The following ANKH variants were observed in gnomAD, a reference collection of about 807,000 sequenced individuals.
ANKH encodes mineralization regulator ANKH.
ANKH carries 15 observed loss-of-function variants against 49.0 expected under a neutral mutation model. That is an observed-to-expected ratio of 0.31 (90% CI 0.20 to 0.47). The LOEUF is 0.47. Ranked by LOEUF, ANKH falls within the 20% of genes least tolerant of loss-of-function variation. ANKH has a pLI of 1.00. For missense variants in ANKH, 429 were observed against 652.0 expected (o/e 0.66, Z 3.72); for synonymous variants, 273 against 260.0 (o/e 1.05, Z -0.48).
intron 8 of ANKH, among the ~76,000 whole-genome samples, chr5:14,720,569 C>A (rs1737627522): frequency 6.6e-6 from 1 of 152,180 alleles, no homozygotes; most frequent in Non-Finnish European, 1.5e-5. Flanking sequence ...TTATATTGGG[C>A]CCCCAATATG....
chr5:14,840,595 G>C (rs1004672), intron 1 of ANKH, among the ~76,000 whole-genome samples: 16,128 of 152,216 alleles, frequency 0.11, 1,351 homozygotes, highest in East Asian at 0.44. Flanking sequence ...TTACTTAGCT[G>C]CCTGTTTCAA....
At chr5:14,780,718 C>T (rs1000486055) in intron 1 of ANKH, among the ~76,000 whole-genome samples, 4 of 152,206 alleles carry the variant, frequency 2.6e-5, no homozygotes, top group South Asian at 4.1e-4. Flanking sequence ...ACTTCCTTTA[C>T]TTGCCTCATC....
chr5:14,744,800 G>C (rs573984480), intron 7 of ANKH, among the ~76,000 whole-genome samples: 33 of 152,356 alleles, frequency 2.2e-4, no homozygotes, highest in African/African-American at 7.2e-4. Context: ...CCCACAAACG[G>C]TCTCAGGGGG....
At chr5:14,721,847 G>A (rs1044301167) in intron 8 of ANKH, among the ~76,000 whole-genome samples, 28 of 144,196 alleles carry the variant, frequency 1.9e-4, no homozygotes, top group African/African-American at 3.8e-4. Context: ...GGAGAATGGC[G>A]TGAATCGGGG....
Position 14,751,259 on chromosome 5 carries a change from G to A in ANKH, c.517-20C>T, listed in dbSNP as rs1738706651. On this transcript the variant is annotated intron_variant, in intron 4 of 11. Coordinates refer to ENST00000284268, the MANE Select transcript of ANKH (RefSeq NM_054027.6). ...AACAACCTGAGAGAAGGGAGAACGGGAACAGGTCAGAGGGGAGAAGCGGGA... is the reference window on the plus strand; with the variant it reads ...AACAACCTGAGAGAAGGGAGAACGGAAACAGGTCAGAGGGGAGAAGCGGGA... The A allele has an allele frequency of 3.1e-6, 5 of 1,613,336 alleles. No homozygotes were observed. Among genetic ancestry groups the A allele is most frequent in the Non-Finnish European group, 4.2e-6 (5 of 1,179,664 alleles).
At chr5:14,802,913 TG>T (rs1740606119) in intron 1 of ANKH, among the ~76,000 whole-genome samples, 1 of 152,194 alleles carries the variant, frequency 6.6e-6, no homozygotes, top group African/African-American at 2.4e-5. Context: ...ACTTGTTGAA[TG>T]GGAGCATGAC....
Position 14,750,144 on chromosome 5 carries a change from C to A in ANKH, c.688-838G>T, listed in dbSNP as rs185098933. ...TGGTCAAAACAATTACTGCTTGATA[C>A]GACAAAGTAATGTGCGGCCCAAGTA... On this transcript the variant is annotated intron_variant, in intron 5 of 11. Coordinates refer to ENST00000284268, the MANE Select transcript of ANKH (RefSeq NM_054027.6). Among the ~76,000 whole-genome samples the A allele has an allele frequency of 5.0e-3, 762 of 152,274 alleles. 4 individuals carry two copies. Among genetic ancestry groups the A allele is most frequent in the African/African-American group, 0.017 (711 of 41,550 alleles).
chr5:14,756,476 A>G (rs2126491408), intron 3 of ANKH, among the ~76,000 whole-genome samples: 1 of 152,338 alleles, frequency 6.6e-6, no homozygotes, highest in Non-Finnish European at 1.5e-5. Flanking sequence ...GCAGACGAAA[A>G]GCCCGAGGAA....
intron 1 of ANKH, among the ~76,000 whole-genome samples, chr5:14,850,578 G>A (rs1281531579): frequency 1.3e-5 from 2 of 152,230 alleles, no homozygotes; most frequent in Non-Finnish European, 2.9e-5. Context: ...CGGGGTTCAC[G>A]GTAAGATGGG....
chr5:14,858,060 T>C (rs1229444379), intron 1 of ANKH, among the ~76,000 whole-genome samples: 1 of 152,254 alleles, frequency 6.6e-6, no homozygotes, highest in East Asian at 1.9e-4. Flanking sequence ...CTACAGATAA[T>C]TGGTTAAATA....
chr5:14,790,140 G>A (rs1478138691), intron 1 of ANKH, among the ~76,000 whole-genome samples: 1 of 152,204 alleles, frequency 6.6e-6, no homozygotes, highest in Non-Finnish European at 1.5e-5. Context: ...AATGCATTAA[G>A]ATTTCTACTC....
At chr5:14,791,343 G>C (rs1402485399) in intron 1 of ANKH, among the ~76,000 whole-genome samples, 1 of 152,110 alleles carries the variant, frequency 6.6e-6, no homozygotes, top group Non-Finnish European at 1.5e-5. Flanking sequence ...GGGAGGTGAG[G>C]AACAGCAAAA....
Position 14,741,813 on chromosome 5 carries a change from G to T in ANKH, c.1011+14C>A, listed in dbSNP as rs370212587. On this transcript the variant is annotated intron_variant, in intron 8 of 11. Transcript: ENST00000284268. The stretch of plus-strand genomic sequence containing the variant: ...CAAACAGAGAGAAGAGGCAGAGAGA[G>T]CCTCTGTCCTTACCGTGAGTGACAG... The T allele has an allele frequency of 2.5e-5, 40 of 1,603,838 alleles. No homozygotes were observed. Among genetic ancestry groups the T allele is most frequent in the Non-Finnish European group, 3.3e-5 (39 of 1,170,886 alleles).
chr5:14,773,112 A>G (rs1402851671), intron 1 of ANKH, among the ~76,000 whole-genome samples: 1 of 152,192 alleles, frequency 6.6e-6, no homozygotes, highest in Non-Finnish European at 1.5e-5. Context: ...GTTTCTAGAG[A>G]ACTCCATTTA....
At chr5:14,831,580 G>T (rs774517613) in intron 1 of ANKH, among the ~76,000 whole-genome samples, 1 of 152,030 alleles carries the variant, frequency 6.6e-6, no homozygotes, top group Non-Finnish European at 1.5e-5. Context: ...GTGCCAAAGG[G>T]ATCCATGGTC....
intron 1 of ANKH, 96 bp downstream of exon 1, chr5:14,871,256 A>T: frequency 9.5e-7 from 1 of 1,053,830 alleles, no homozygotes; most frequent in Non-Finnish European, 1.4e-6. Flanking sequence ...CAGGATAAAG[A>T]GGGACTCGGA....
chr5:14,866,550 T>G (rs1278790415), intron 1 of ANKH, among the ~76,000 whole-genome samples: 2 of 152,212 alleles, frequency 1.3e-5, no homozygotes, highest in Non-Finnish European at 2.9e-5. Flanking sequence ...TAACAATTCT[T>G]TGGACATGGT....
At chr5:14,732,157 A>G (rs906106846) in intron 8 of ANKH, among the ~76,000 whole-genome samples, 3 of 152,202 alleles carry the variant, frequency 2.0e-5, no homozygotes, top group Non-Finnish European at 4.4e-5. Flanking sequence ...GTCTAGTCAG[A>G]GGACTCAACC....
At chr5:14,759,783 G>C (rs1739015164) in intron 2 of ANKH, among the ~76,000 whole-genome samples, 1 of 140,178 alleles carries the variant, frequency 7.1e-6, no homozygotes, top group African/African-American at 2.7e-5. Context: ...AAAAAGAAGA[G>C]GAGAGGGGAG....
Sources: gnomAD v4.1 joint callset for allele counts (sites outside exome capture counted in the v4.1 genomes callset) on GRCh38, gnomAD v4.1.1 for gene constraint, MANE v1.5 for transcripts, NCBI Gene and HGNC (gene_info 2026-07-23, HGNC 2026-07-21) for gene names.